Variants in MTMR11 observed in about 807,000 individuals in gnomAD.
The protein encoded by MTMR11 is myotubularin related protein 11.
A neutral mutation model predicts 100.0 loss-of-function variants in MTMR11; 89 were observed. That is an observed-to-expected ratio of 0.89 (90% CI 0.75 to 1.06). The LOEUF (loss-of-function observed/expected upper bound fraction) is 1.06. Among genes scored for constraint, MTMR11 ranks in the 50% least tolerant of loss-of-function variants. The probability of loss-of-function intolerance (pLI) is 0.00; values close to 1 mark genes in which losing one functional copy is unlikely to be tolerated. For missense variants in MTMR11, 809 were observed against 873.7 expected (o/e 0.93, Z 0.93); for synonymous variants, 336 against 326.3 (o/e 1.03, Z -0.32).
intron 7 of MTMR11, 120 bp from the exon 8 acceptor site, chr1:149,934,062 G>A: frequency 6.5e-7 from 1 of 1,544,976 alleles, no homozygotes; most frequent in Non-Finnish European, 8.9e-7. Flanking sequence ...TAGGGATCTA[G>A]GAGGCAAGGG....
chr1:149,932,003 C>G lies in MTMR11; in HGVS notation c.1064G>C (p.Arg355Pro). The G allele has an allele frequency of 2.5e-6, 4 of 1,613,656 alleles. No individual in the cohort carries two copies. Among genetic ancestry groups the G allele is most frequent in the South Asian group, 1.1e-5 (1 of 91,056 alleles). The stretch of plus-strand genomic sequence containing the variant: ...TAATACTGAAATGTCACTGGCCTTT[C>G]GAAGACAAGCCCTGGAGGAGCAGGT... ...RWLDYVRACL[R>P]KASDISVLVT... Residue 355 changes from arginine to proline, a missense_variant, in exon 12 of 17, where the codon CGA becomes CCA. Coordinates refer to ENST00000439741, the MANE Select transcript of MTMR11 (RefSeq NM_001145862.2).
intron 11 of MTMR11, 45 bp downstream of exon 11, chr1:149,932,219 G>A (rs370976953): frequency 4.9e-5 from 77 of 1,586,464 alleles, no homozygotes; most frequent in Non-Finnish European, 6.7e-5. Context: ...AGAAGGTTGA[G>A]GAAGGTTGAA....
In MTMR11 at chr1:149,930,938, A is replaced by T. The variant is rs2092650754; in HGVS notation, c.1318T>A (p.Cys440Ser). ...AACTGCTGGAGGAGCTGCCAGACAC[A>T]ATCAAGGAAGAGGAGAAACACCGGA... ...EAPVFLLFLDCVWQLLQQFPA... is the reference protein window; with the variant it reads ...EAPVFLLFLDSVWQLLQQFPA... Residue 440 changes from cysteine to serine, a missense_variant, in exon 14 of 17, where the codon TGT becomes AGT. Cys to Ser is a moderately radical substitution (Grantham distance 112). Transcript: ENST00000439741. The T allele has an allele frequency of 6.2e-7, 1 of 1,608,664 alleles. No homozygotes were observed. The highest frequency in any genetic ancestry group is 1.3e-5 in the African/African-American group (1 of 74,428).
Position 149,933,700 on chromosome 1 carries a change from T to G in MTMR11, c.772-2A>C, listed in dbSNP as rs1441644800. ...CCCAGGGTGATGCCAGGACAAGCGC[T>G]TCACATGGGGCAGAAGAGGGTCATT... On this transcript the variant is annotated splice_acceptor_variant, in intron 8 of 16. Transcript: ENST00000439741. LOFTEE classifies it high-confidence loss of function. 3 of 1,613,958 alleles carry G rather than the reference T, an allele frequency of 1.9e-6. No homozygotes were observed. Among genetic ancestry groups the G allele is most frequent in the African/African-American group, 2.7e-5 (2 of 74,904 alleles).
Position 149,929,209 on chromosome 1 carries a change from T to C in MTMR11, c.2050A>G (p.Lys684Glu), listed in dbSNP as rs1184373301. The C allele has an allele frequency of 6.2e-7, 1 of 1,614,030 alleles. No homozygotes were observed. Among genetic ancestry groups the C allele is most frequent in the Non-Finnish European group, 8.5e-7 (1 of 1,179,972 alleles). ...PRISPEDHSK[K>E]RDPHTILNPT... is the part of the protein sequence containing the mutation. Reference sequence around the variant, plus strand: ...TTGAGAATGGTATGTGGATCTCTTTTCTTGGAGTGATCCTCAGGAGATATT... The same window carrying C: ...TTGAGAATGGTATGTGGATCTCTTTCCTTGGAGTGATCCTCAGGAGATATT... The change falls in exon 17 of 17, where the codon AAA becomes GAA. Residue 684 changes from lysine to glutamate, a missense_variant. Coordinates refer to ENST00000439741, the MANE Select transcript of MTMR11 (RefSeq NM_001145862.2).
chr1:149,934,391 C>T (rs2092698844), intron 6 of MTMR11, 57 bp downstream of exon 6: 7 of 1,613,534 alleles, frequency 4.3e-6, no homozygotes, highest in South Asian at 1.1e-5. Context: ...AGCTCTTTGT[C>T]ATCAGCCATC....
At position 149,929,841 on chromosome 1, in the gene MTMR11, G is replaced by A. The variant is rs997003346; in HGVS notation, c.1723C>T (p.Leu575Phe). The A allele has an allele frequency of 2.8e-5, 45 of 1,614,062 alleles. No homozygotes were observed. Among genetic ancestry groups the A allele is most frequent in the Non-Finnish European group, 3.4e-5 (40 of 1,180,018 alleles). Residue 575 changes from leucine (L) to phenylalanine (F), a missense_variant, in exon 16 of 17, where the codon CTC becomes TTC. Leu to Phe is a conservative substitution (Grantham distance 22). Transcript: ENST00000439741. ...GAAGGACTGTCCCGCCAAGGACAGAGCTGATTCAGGGGGGTCAATGCTCCT... is the reference window on the plus strand; with the variant it reads ...GAAGGACTGTCCCGCCAAGGACAGAACTGATTCAGGGGGGTCAATGCTCCT... Reference protein sequence around the residue: ...SRGALTPLNQLCPWRDSPSLL... With the variant: ...SRGALTPLNQFCPWRDSPSLL...
chr1:149,929,330 C>T lies in MTMR11; in HGVS notation c.1942-13G>A. 3.7e-6 allele frequency: 6 copies of T among 1,603,674 alleles called. No homozygotes were observed. Among genetic ancestry groups the T allele is most frequent in the Non-Finnish European group, 5.1e-6 (6 of 1,171,166 alleles). ...CTGAGAGGCCCATCTGGGGAGGAGG[C>T]AAAGAGGAACAGAGAAGAATACTGT... On this transcript the variant is annotated splice_polypyrimidine_tract_variant and intron_variant, in intron 16 of 16. Transcript: ENST00000439741.
chr1:149,930,804 CT>C lies in MTMR11; in HGVS notation c.1451del (p.Lys484SerfsTer6). On this transcript the variant is annotated frameshift_variant, in exon 14 of 17. Coordinates refer to ENST00000439741, the MANE Select transcript of MTMR11 (RefSeq NM_001145862.2). LOFTEE classifies it high-confidence loss of function. Reference sequence around the variant, plus strand: ...AGAAGTCACTGACCTGTCCGCTCTGCTTTCCGCGCTCCCAGGGGGTATTTCT... The same window carrying C: ...AGAAGTCACTGACCTGTCCGCTCTGCTTCCGCGCTCCCAGGGGGTATTTCT... ...FLRNTPWERG[K>X]QSGQLNSYTQ... is the part of the protein sequence containing the mutation. The C allele has an allele frequency of 6.3e-7, 1 of 1,575,438 alleles. No individual in the cohort carries two copies. Among genetic ancestry groups the C allele is most frequent in the Non-Finnish European group, 8.6e-7 (1 of 1,165,450 alleles).
intron 1 of MTMR11, 127 bp downstream of exon 1, chr1:149,936,455 T>G: frequency 1.5e-6 from 2 of 1,357,602 alleles, no homozygotes; most frequent in Non-Finnish European, 2.0e-6. Context: ...CCAGGCTCCA[T>G]CAGCAGAAGC....
chr1:149,932,662 CTGGCCGGGCACGACGGCTTG>C (rs1553767966), intron 10 of MTMR11, among the ~76,000 whole-genome samples: 2 of 152,142 alleles, frequency 1.3e-5, no homozygotes, highest in Non-Finnish European at 2.9e-5. Flanking sequence ...AACAGTCTCA[CTGGCCGGGCACGACGGCTTG>C]TGCCTGTAAT....
At chr1:149,935,238 G>T in intron 4 of MTMR11, 61 bp downstream of exon 4, 1 of 1,606,482 alleles carries the variant, frequency 6.2e-7, no homozygotes, top group South Asian at 1.1e-5. Context: ...ACAGAGGAAG[G>T]ATGAGGAGGG....
At chr1:149,931,589 AC>A (rs1553767699) in intron 12 of MTMR11, 163 bp from the exon 13 acceptor site, 3 of 639,892 alleles carry the variant, frequency 4.7e-6, no homozygotes, top group Non-Finnish European at 7.8e-6. Flanking sequence ...GAAAACAAAG[AC>A]CTTGAATGAT....
chr1:149,936,275 T>C (rs1251858933), intron 1 of MTMR11, 46 bp from the exon 2 acceptor site: 2 of 1,609,506 alleles, frequency 1.2e-6, no homozygotes, highest in African/African-American at 2.7e-5. Flanking sequence ...ACCCCTAGGC[T>C]CCCCAACTCC....
chr1:149,933,387 G>C lies in MTMR11; in HGVS notation c.985+19C>G. 1 of 1,613,888 alleles carries C rather than the reference G, an allele frequency of 6.2e-7. No individual in the cohort carries two copies. Among genetic ancestry groups the C allele is most frequent in the South Asian group, 1.1e-5 (1 of 91,050 alleles). On this transcript the variant is annotated intron_variant, in intron 10 of 16. Coordinates refer to ENST00000439741, the MANE Select transcript of MTMR11 (RefSeq NM_001145862.2). The stretch of plus-strand genomic sequence containing the variant: ...CCTAGGGGTGAGGGTGAGGGTTAGG[G>C]GTCAAAGGTTATTCTCACCAGGCAG...
At chr1:149,935,501 A>G in intron 3 of MTMR11, 83 bp downstream of exon 3, 4 of 1,585,708 alleles carry the variant, frequency 2.5e-6, no homozygotes, top group Non-Finnish European at 3.5e-6. Context: ...ACAGCCCTTA[A>G]CCCATAATGT....
intron 4 of MTMR11, 36 bp downstream of exon 4, chr1:149,935,263 C>G (rs1175870501): frequency 2.5e-6 from 4 of 1,609,172 alleles, no homozygotes; most frequent in Non-Finnish European, 3.4e-6. Flanking sequence ...CCAACAACCC[C>G]AGTGAACCCC....
Position 149,935,679 on chromosome 1 carries a change from C to T in MTMR11, c.169G>A (p.Gly57Arg), listed in dbSNP as rs782631108. 9 of 1,612,396 alleles carry T rather than the reference C, an allele frequency of 5.6e-6. No individual in the cohort carries two copies. In the East Asian group the frequency reaches 1.8e-4, roughly 32 times the overall value. Residue 57 changes from glycine (G) to arginine (R), a missense_variant, in exon 3 of 17, where the codon GGG becomes AGG. By Grantham distance (125) the Gly-to-Arg change is moderately radical. Transcript: ENST00000439741. ...TCTGGTTCCAGGCCCTTCCTCACCCCTGGGGCCCATGCTAGGATCTGCTCC... is the reference window on the plus strand; with the variant it reads ...TCTGGTTCCAGGCCCTTCCTCACCCTTGGGGCCCATGCTAGGATCTGCTCC... ...PGEQILAWAP[G>R]VRKGLEPELS...
rs967524716 is a variant in MTMR11 at position 149,928,875 on chromosome 1, T to C, written c.*254A>G. 3 of 1,613,754 alleles carry C rather than the reference T, an allele frequency of 1.9e-6. No homozygotes were observed. Among genetic ancestry groups the C allele is most frequent in the Non-Finnish European group, 2.5e-6 (3 of 1,179,668 alleles). Reference sequence around the variant, plus strand: ...ATCTCTGATCTCATGATTTAACATCTGGTTATCCAGAAGGGATGGGATTGG... The same window carrying C: ...ATCTCTGATCTCATGATTTAACATCCGGTTATCCAGAAGGGATGGGATTGG... On this transcript the variant is annotated 3_prime_UTR_variant, in exon 17 of 17. Coordinates refer to ENST00000439741, the MANE Select transcript of MTMR11 (RefSeq NM_001145862.2).
Sources: allele counts gnomAD v4.1 joint callset (sites outside exome capture counted in the v4.1 genomes callset), GRCh38; gene constraint gnomAD v4.1.1; transcripts MANE v1.5; gene names NCBI Gene and HGNC (gene_info 2026-07-23, HGNC 2026-07-21).